The following EPB41 variants were observed in gnomAD, a reference collection of about 807,000 sequenced individuals.
The protein encoded by EPB41 is protein 4.1.
A neutral mutation model predicts 108.0 loss-of-function variants in EPB41; 65 were observed. The observed-to-expected ratio is 0.60, with a 90% CI of 0.49 to 0.74. The LOEUF is 0.74. Among genes scored for constraint, EPB41 ranks in the 30% least tolerant of loss-of-function variants. The pLI, the probability that EPB41 is intolerant of heterozygous loss-of-function variation, is 0.00. For missense variants in EPB41, 875 were observed against 1,037.0 expected, an observed-to-expected ratio of 0.84 and a Z score of 2.15; for synonymous variants, 336 against 358.9, an observed-to-expected ratio of 0.94 and a Z score of 0.72.
At chr1:29,047,768 A>G (rs1289804470) in intron 11 of EPB41, among the ~76,000 whole-genome samples, 1 of 151,304 alleles carries the variant, frequency 6.6e-6, no homozygotes, top group Non-Finnish European at 1.5e-5. Flanking sequence ...TTGACAATTT[A>G]TGTATGTATG....
intron 1 of EPB41, among the ~76,000 whole-genome samples, chr1:28,917,050 C>T (rs757033253): frequency 5.3e-5 from 8 of 152,080 alleles, no homozygotes; most frequent in Admixed American, 1.3e-4. Flanking sequence ...CTGGGCCTCC[C>T]AAAGTGCTGG....
intron 8 of EPB41, among the ~76,000 whole-genome samples, chr1:29,031,556 A>G (rs140375827): frequency 2.4e-4 from 37 of 152,272 alleles, no homozygotes; most frequent in Middle Eastern, 3.4e-3. Flanking sequence ...TTAGAAATGC[A>G]CATTTCAGGC....
chr1:28,897,155 G>C (rs1244353444), intron 1 of EPB41, among the ~76,000 whole-genome samples: 3 of 152,144 alleles, frequency 2.0e-5, no homozygotes, highest in Non-Finnish European at 4.4e-5. Context: ...TGGTAGGTCT[G>C]GTAGGGATGA....
At position 29,119,076 on chromosome 1, in the gene EPB41, C is replaced by T. The variant is rs967337245; in HGVS notation, c.*2264C>T. ...CAGGACCGTTCATCGGGGGCCTAAACGTTTCCCTCAGCTCTGTCACCAACT... is the reference window on the plus strand; with the variant it reads ...CAGGACCGTTCATCGGGGGCCTAAATGTTTCCCTCAGCTCTGTCACCAACT... On this transcript the variant is annotated 3_prime_UTR_variant, in exon 21 of 21. Coordinates refer to ENST00000343067, the MANE Select transcript of EPB41 (RefSeq NM_001376013.1). 4.6e-5 allele frequency: 7 copies of T among 152,262 alleles called. No homozygotes were observed. The highest frequency in any genetic ancestry group is 2.6e-4 in the Admixed American group (4 of 15,276). 9.4% of individuals were successfully genotyped at this position (152,262 alleles called of 1,614,324 possible). A position where few individuals can be genotyped will look rare whatever the true frequency, so the allele number is the denominator to read the frequency against.
chr1:29,055,971 T>G (rs1344194486), intron 12 of EPB41, among the ~76,000 whole-genome samples: 2 of 135,314 alleles, frequency 1.5e-5, no homozygotes, highest in Admixed American at 7.9e-5. Flanking sequence ...GCGCGGTGGC[T>G]CACGCCTGTA....
chr1:29,055,235 A>G (rs1264396111), intron 12 of EPB41, among the ~76,000 whole-genome samples: 1 of 152,180 alleles, frequency 6.6e-6, no homozygotes, highest in Non-Finnish European at 1.5e-5. Flanking sequence ...CTACCTCTTC[A>G]GTTCTTAATG....
rs2089506292 is a variant in EPB41 at position 28,887,183 on chromosome 1, G to A, written c.-35G>A. 3 of 1,237,870 alleles carry A rather than the reference G, an allele frequency of 2.4e-6. No homozygotes were observed. Among genetic ancestry groups the A allele is most frequent in the South Asian group, 2.5e-5 (2 of 79,772 alleles). 76.7% of individuals were successfully genotyped at this position (1,237,870 alleles called of 1,614,324 possible). The stretch of plus-strand genomic sequence containing the variant: ...AGCGGCGCGGAGCCAGAACGCGGTC[G>A]GCCCGGTCCCCGCCGCACCCAGCCC... On this transcript the variant is annotated 5_prime_UTR_variant, in exon 1 of 17. Transcript: ENST00000347529. The surrounding 1 kb of genome is among the most constrained non-coding windows in gnomAD (Gnocchi z 4.9).
At chr1:29,070,800 A>G in intron 16 of EPB41, 2 of 908,558 alleles carry the variant, frequency 2.2e-6, no homozygotes, top group Non-Finnish European at 2.9e-6. Context: ...ACAAAGGAGT[A>G]GCAATGGACT....
In EPB41 at chr1:29,015,730, C is replaced by A; in HGVS notation, c.868C>A (p.Pro290Thr). Reference protein sequence around the residue: ...WNFTFNVKFYPPDPAQLTEDI... With the variant: ...WNFTFNVKFYTPDPAQLTEDI... ...TTTTACATTTAATGTAAAGTTTTAT[C>A]CACCTGACCCAGCACAGTTAACAGA... Residue 290 changes from proline to threonine, a missense_variant, in exon 6 of 21, where the codon CCA becomes ACA. Coordinates refer to ENST00000343067, the MANE Select transcript of EPB41 (RefSeq NM_001376013.1). 6.2e-7 allele frequency: 1 copy of A among 1,609,228 alleles called. No individual in the cohort carries two copies.
At chr1:29,094,833 G>A (rs1258207019) in intron 16 of EPB41, among the ~76,000 whole-genome samples, 1 of 151,968 alleles carries the variant, frequency 6.6e-6, no homozygotes, top group East Asian at 1.9e-4. Flanking sequence ...CATCCTCTGT[G>A]GGGCCTTGGT....
At chr1:29,000,359 C>G (rs1370686964) in intron 4 of EPB41, among the ~76,000 whole-genome samples, 1 of 152,230 alleles carries the variant, frequency 6.6e-6, no homozygotes, top group Non-Finnish European at 1.5e-5. Context: ...CTTGGCCTCC[C>G]AAAGTGCTGG....
At chr1:28,896,175 G>T (rs981029954) in intron 1 of EPB41, among the ~76,000 whole-genome samples, 1 of 152,212 alleles carries the variant, frequency 6.6e-6, no homozygotes, top group Non-Finnish European at 1.5e-5. Flanking sequence ...TAGGCTTCTT[G>T]TGAGGATTAA....
At chr1:29,019,973 C>A (rs2096623997) in intron 7 of EPB41, among the ~76,000 whole-genome samples, 1 of 152,136 alleles carries the variant, frequency 6.6e-6, no homozygotes, top group Non-Finnish European at 1.5e-5. Flanking sequence ...ATTCCAGTAC[C>A]AATGTCTGGA....
At chr1:29,005,164 G>A (rs2096377671) in intron 4 of EPB41, among the ~76,000 whole-genome samples, 2 of 152,116 alleles carry the variant, frequency 1.3e-5, no homozygotes, top group Admixed American at 6.5e-5. Context: ...CTTCTGGGGA[G>A]GCCTCAGGAA....
At chr1:28,959,552 A>G (rs940131990) in intron 1 of EPB41, among the ~76,000 whole-genome samples, 1 of 152,090 alleles carries the variant, frequency 6.6e-6, no homozygotes, top group Admixed American at 6.6e-5. Context: ...TTGTTAACTG[A>G]TGAATAAAAG....
intron 4 of EPB41, among the ~76,000 whole-genome samples, chr1:29,001,712 C>T (rs2149757569): frequency 6.6e-6 from 1 of 152,240 alleles, no homozygotes; most frequent in East Asian, 1.9e-4. Flanking sequence ...TTGAAAAGGC[C>T]AGAGCCATTT....
Position 28,887,192 on chromosome 1 carries a change from C to T in EPB41, c.-26C>T, listed in dbSNP as rs548699732. ...GAGCCAGAACGCGGTCGGCCCGGTC[C>T]CCGCCGCACCCAGCCCAGGTGAGCC... On this transcript the variant is annotated 5_prime_UTR_variant, in exon 1 of 17. Transcript: ENST00000347529. This position sits in a 1 kb window ranked among gnomAD's most constrained non-coding sequence, Gnocchi z 4.9. 3.2e-6 allele frequency: 4 copies of T among 1,267,976 alleles called. No individual in the cohort carries two copies. Among genetic ancestry groups the T allele is most frequent in the Non-Finnish European group, 4.1e-6 (4 of 970,272 alleles). The allele number at this position is 1,267,976 out of a possible 1,614,324, so 78.5% of individuals were successfully genotyped here.
intron 1 of EPB41, among the ~76,000 whole-genome samples, chr1:28,903,631 T>G (rs985994727): frequency 6.6e-6 from 1 of 152,062 alleles, no homozygotes; most frequent in African/African-American, 2.4e-5. Context: ...TGAGACTCTA[T>G]TTCTTCATCT....
chr1:29,085,516 A>G (rs1174660047), intron 16 of EPB41, among the ~76,000 whole-genome samples: 2 of 152,218 alleles, frequency 1.3e-5, no homozygotes, highest in African/African-American at 4.8e-5. Flanking sequence ...TTAAAATACA[A>G]TGAAGCTACA....
Sources: gnomAD v4.1 joint callset for allele counts (sites outside exome capture counted in the v4.1 genomes callset) on GRCh38, gnomAD v4.1.1 for gene constraint, Gnocchi (gnomAD v3.1) non-coding constraint, MANE v1.5 for transcripts, NCBI Gene and HGNC (gene_info 2026-07-23, HGNC 2026-07-21) for gene names.